The following ACACA variants were observed in gnomAD, a reference collection of about 807,000 sequenced individuals.
ACACA encodes the protein acetyl-CoA carboxylase 1.
A neutral mutation model predicts 296.1 loss-of-function variants in ACACA; 103 were observed. The ratio of observed to expected loss-of-function variants is 0.35; its 90% CI spans 0.30 to 0.41. The LOEUF is 0.41. ACACA is among the 10% of genes least tolerant of loss of function. The probability of loss-of-function intolerance (pLI) is 1.00; values close to 1 mark genes in which losing one functional copy is unlikely to be tolerated. For missense variants in ACACA, 1,554 were observed against 2,989.7 expected (o/e 0.52, Z 11.20); for synonymous variants, 953 against 1,038.6 (o/e 0.92, Z 1.58).
chr17:37,118,801 G>A (rs902821091), intron 50 of ACACA, among the ~76,000 whole-genome samples: 4 of 152,192 alleles, frequency 2.6e-5, no homozygotes, highest in African/African-American at 4.8e-5. Context: ...GATTATGTAA[G>A]ATAATACATG....
intron 10 of ACACA, among the ~76,000 whole-genome samples, chr17:37,267,140 G>T (rs1429847083): frequency 6.6e-6 from 1 of 152,170 alleles, no homozygotes; most frequent in African/African-American, 2.4e-5. Context: ...TAGTGACTTG[G>T]TATAGCAACC....
chr17:37,187,970 C>T (rs1264169200), intron 39 of ACACA, among the ~76,000 whole-genome samples: 1 of 152,148 alleles, frequency 6.6e-6, no homozygotes, highest in Non-Finnish European at 1.5e-5. Context: ...AAATAACCCA[C>T]GAGCCCTCTA....
chr17:37,270,114 G>A (rs563845582), intron 10 of ACACA, among the ~76,000 whole-genome samples: 1 of 152,216 alleles, frequency 6.6e-6, no homozygotes, highest in Non-Finnish European at 1.5e-5. Context: ...GTAAGGCAAA[G>A]AGAGATCCTA....
Position 37,219,498 on chromosome 17 carries a change from C to G in ACACA, c.3683+2226G>C, listed in dbSNP as rs1395335094. Among the ~76,000 whole-genome samples, 111 of 152,042 alleles carry G rather than the reference C, an allele frequency of 7.3e-4. 1 individual carries two copies. Among genetic ancestry groups the G allele is most frequent in the Admixed American group, 7.3e-3 (111 of 15,260 alleles). On this transcript the variant is annotated intron_variant, in intron 29 of 55. Transcript: ENST00000616317. The stretch of plus-strand genomic sequence containing the variant: ...CAGGGGACCCCACTTATGGCCCCAT[C>G]TGAAGTAGGGACAATTTGGTGGTGG...
intron 38 of ACACA, 89 bp from the exon 39 acceptor site, chr17:37,188,569 T>TAA: frequency 9.7e-5 from 108 of 1,114,822 alleles, no homozygotes; most frequent in Non-Finnish European, 1.1e-4. Context: ...AAAGAAGGGG[T>TAA]AAAAAAAAAA....
chr17:37,201,855 T>G (rs2078264782), intron 33 of ACACA, among the ~76,000 whole-genome samples: 1 of 152,240 alleles, frequency 6.6e-6, no homozygotes, highest in African/African-American at 2.4e-5. Flanking sequence ...AGCACATTCT[T>G]GGGTTATTTC....
chr17:37,290,772 T>A (rs1363582363), intron 3 of ACACA, among the ~76,000 whole-genome samples: 2 of 152,114 alleles, frequency 1.3e-5, no homozygotes, highest in African/African-American at 4.8e-5. Flanking sequence ...AGAAGAATTG[T>A]CTTGGGCCAC....
chr17:37,332,169 T>C (rs1293374051), intron 2 of ACACA, among the ~76,000 whole-genome samples: 1 of 150,284 alleles, frequency 6.7e-6, no homozygotes, highest in African/African-American at 2.4e-5. Context: ...TTTACCTACA[T>C]AACAAACCTG....
intron 3 of ACACA, among the ~76,000 whole-genome samples, chr17:37,302,989 T>A (rs1313431520): frequency 6.6e-6 from 1 of 152,110 alleles, no homozygotes; most frequent in East Asian, 1.9e-4. Context: ...AGAGACGAGG[T>A]CTTGCTATGT....
chr17:37,110,476 A>G (rs138142919), intron 52 of ACACA, among the ~76,000 whole-genome samples: 4 of 152,364 alleles, frequency 2.6e-5, no homozygotes, highest in Non-Finnish European at 5.9e-5. Flanking sequence ...GTGGTGAGTT[A>G]GAGTTATTGG....
At chr17:37,229,836 G>A (rs953904712) in intron 25 of ACACA, among the ~76,000 whole-genome samples, 8 of 151,106 alleles carry the variant, frequency 5.3e-5, no homozygotes, top group South Asian at 2.1e-4. Context: ...TTGGGAGGCC[G>A]AGGTGGGCGG....
intron 1 of ACACA, among the ~76,000 whole-genome samples, chr17:37,349,384 T>C (rs962065425): frequency 1.8e-4 from 27 of 147,492 alleles, no homozygotes; most frequent in African/African-American, 4.2e-4. Flanking sequence ...CTTACATATA[T>C]ATATATATAT....
intron 3 of ACACA, among the ~76,000 whole-genome samples, chr17:37,305,708 A>AG (rs1274972709): frequency 1.3e-5 from 2 of 152,130 alleles, no homozygotes; most frequent in African/African-American, 2.4e-5. Flanking sequence ...AATGCCATTG[A>AG]GCATGGACAT....
chr17:37,146,815 C>T (rs1003238018), intron 45 of ACACA, among the ~76,000 whole-genome samples: 1 of 151,572 alleles, frequency 6.6e-6, no homozygotes, highest in African/African-American at 2.4e-5. Context: ...GCAGGGATAA[C>T]GTGTTTATTT....
chr17:37,160,909 GGAAA>G (rs2144407697), intron 42 of ACACA, among the ~76,000 whole-genome samples: 1 of 152,186 alleles, frequency 6.6e-6, no homozygotes, highest in South Asian at 2.1e-4. Flanking sequence ...AGAGGAAGCT[GGAAA>G]GAGAGGATGG....
At chr17:37,141,634 A>G (rs1364057168) in intron 45 of ACACA, among the ~76,000 whole-genome samples, 1 of 152,160 alleles carries the variant, frequency 6.6e-6, no homozygotes, top group African/African-American at 2.4e-5. Flanking sequence ...ATCTAAATAG[A>G]TTAAAGCCCA....
intron 3 of ACACA, among the ~76,000 whole-genome samples, chr17:37,292,725 G>T (rs563644849): frequency 6.6e-6 from 1 of 152,118 alleles, no homozygotes; most frequent in Admixed American, 6.6e-5. Flanking sequence ...TTAGCTGGGC[G>T]TGGTGGTGTG....
chr17:37,175,147 A>G (rs2077062267), intron 41 of ACACA, among the ~76,000 whole-genome samples: 1 of 152,214 alleles, frequency 6.6e-6, no homozygotes, highest in African/African-American at 2.4e-5. Context: ...TTTAGAGATT[A>G]CTGGTCTAGT....
At chr17:37,158,202 G>C (rs1335279697) in intron 42 of ACACA, among the ~76,000 whole-genome samples, 1 of 152,168 alleles carries the variant, frequency 6.6e-6, no homozygotes, top group Non-Finnish European at 1.5e-5. Context: ...AGGAAGATTA[G>C]AAGCTACAAT....
Sources: gnomAD v4.1 joint callset for allele counts (sites outside exome capture counted in the v4.1 genomes callset) on GRCh38, gnomAD v4.1.1 for gene constraint, MANE v1.5 for transcripts, NCBI Gene and HGNC (gene_info 2026-07-23, HGNC 2026-07-21) for gene names.